Variants in DEFB124 observed in about 807,000 individuals in gnomAD.
DEFB124 encodes the protein beta-defensin 124.
For missense variants in DEFB124, 78 were observed against 83.1 expected (o/e 0.94, Z 0.24); for synonymous variants, 38 against 36.5 (o/e 1.04, Z -0.15).
chr20:31,472,449 G>T (rs1217749045), intron 2 of DEFB124: 2 of 143,938 alleles, frequency 1.4e-5, no homozygotes, highest in Non-Finnish European at 3.0e-5. Flanking sequence ...AGGGAGAGGG[G>T]AGAGGGGAGA....
intron 2 of DEFB124, among the ~76,000 whole-genome samples, chr20:31,466,170 G>A (rs563765683): frequency 1.3e-5 from 2 of 152,162 alleles, no homozygotes; most frequent in South Asian, 4.2e-4. Flanking sequence ...TAAATAAACA[G>A]AAACTGATTT....
intron 2 of DEFB124, among the ~76,000 whole-genome samples, chr20:31,470,993 TG>T (rs1980265862): frequency 7.4e-6 from 1 of 134,324 alleles, no homozygotes; most frequent in Non-Finnish European, 1.6e-5. Flanking sequence ...ACGGGGCGGC[TG>T]GCCGGGCAGG....
chr20:31,473,431 T>C (rs889147895), intron 1 of DEFB124, among the ~76,000 whole-genome samples: 2 of 152,142 alleles, frequency 1.3e-5, no homozygotes, highest in Non-Finnish European at 2.9e-5. Flanking sequence ...GTCTATGAAA[T>C]GATGACAAGC....
intron 2 of DEFB124, among the ~76,000 whole-genome samples, chr20:31,471,486 G>T (rs1162466100): frequency 7.2e-6 from 1 of 139,760 alleles, no homozygotes; most frequent in Non-Finnish European, 1.6e-5. Context: ...CCTCCCGGAC[G>T]GGGGGCTGAC....
At chr20:31,466,094 T>G (rs1228210869) in intron 2 of DEFB124, among the ~76,000 whole-genome samples, 1 of 151,938 alleles carries the variant, frequency 6.6e-6, no homozygotes, top group Non-Finnish European at 1.5e-5. Flanking sequence ...AGGGAGGAGA[T>G]TGCAGTGAGC....
At position 31,470,060 on chromosome 20, in the gene DEFB124, G is replaced by A. The variant is rs1360236202; in HGVS notation, c.58+2896C>T. ...GCGCCCCTCACCTCCCGGACGGGGCGGCTGGACGGGCAGGGGGCTGACCCC... is the reference window on the plus strand; with the variant it reads ...GCGCCCCTCACCTCCCGGACGGGGCAGCTGGACGGGCAGGGGGCTGACCCC... On this transcript the variant is annotated intron_variant, in intron 2 of 2. Transcript: ENST00000317676. Among the ~76,000 whole-genome samples the A allele has an allele frequency of 1.1e-3, 143 of 134,184 alleles. 1 individual carries two copies. The highest frequency in any genetic ancestry group is 2.0e-3 in the Non-Finnish European group (126 of 62,462). 88.0% of individuals were successfully genotyped at this position (134,184 alleles called of 152,430 possible).
intron 2 of DEFB124, among the ~76,000 whole-genome samples, chr20:31,468,630 C>A (rs1341937843): frequency 6.6e-6 from 1 of 152,036 alleles, no homozygotes; most frequent in Admixed American, 6.6e-5. Flanking sequence ...CGCCCACCAC[C>A]ACGCCCAACT....
rs148140130 is a variant in DEFB124 at position 31,465,519 on chromosome 20, T to C, written c.203A>G (p.His68Arg). The C allele has an allele frequency of 2.5e-6, 4 of 1,614,146 alleles. No individual in the cohort carries two copies. The highest frequency in any genetic ancestry group is 2.2e-5 in the South Asian group (2 of 91,072). The change falls in exon 3 of 3, where the codon CAT becomes CGT. Residue 68 changes from histidine (H) to arginine (R), a missense_variant. By Grantham distance (29) the His-to-Arg change is conservative (BLOSUM62 0). Transcript: ENST00000317676. ...YALKPPPVPK[H>R]EYE ...AGCAGGAACCAGCTACTCATATTCA[T>C]GCTTGGGGACCGGTGGAGGTTTCAA...
intron 2 of DEFB124, among the ~76,000 whole-genome samples, chr20:31,470,124 G>A (rs1339115460): frequency 2.3e-5 from 3 of 132,610 alleles, no homozygotes; most frequent in African/African-American, 9.7e-5. Context: ...GCCGGGCAGC[G>A]GGGCGCCTCA....
At chr20:31,472,829 T>TGTAGATCTC in intron 2 of DEFB124, 127 bp downstream of exon 2, 1 of 1,215,162 alleles carries the variant, frequency 8.2e-7, no homozygotes, top group South Asian at 1.9e-5. Context: ...ACCAAGTCAG[T>TGTAGATCTC]GGTGGGGCCA....
In DEFB124 at chr20:31,465,572, A is replaced by C. The variant is rs913870660; in HGVS notation, c.150T>G (p.Asp50Glu). 5 of 1,614,218 alleles carry C rather than the reference A, an allele frequency of 3.1e-6. No individual in the cohort carries two copies. The highest frequency in any genetic ancestry group is 4.2e-6 in the Non-Finnish European group (5 of 1,180,038). The change falls in exon 3 of 3, where the codon GAT becomes GAG. Residue 50 changes from aspartate (D) to glutamate (E), a missense_variant. Coordinates refer to ENST00000317676, the MANE Select transcript of DEFB124 (RefSeq NM_001037500.2). ...CATAGGAGAGACAGCACAGGGACGCATCCGGGCACAGGTGCATGTAAGTTT... is the reference window on the plus strand; with the variant it reads ...CATAGGAGAGACAGCACAGGGACGCCTCCGGGCACAGGTGCATGTAAGTTT... ...RQETYMHLCPDASLCCLSYAL... is the reference protein window; with the variant it reads ...RQETYMHLCPEASLCCLSYAL...
intron 2 of DEFB124, among the ~76,000 whole-genome samples, chr20:31,466,412 C>T (rs1449898615): frequency 6.6e-6 from 1 of 151,752 alleles, no homozygotes; most frequent in Non-Finnish European, 1.5e-5. Context: ...CCAGCCTGGC[C>T]AACATGGCAA....
At position 31,465,502 on chromosome 20, in the gene DEFB124, C is replaced by A. The variant is rs1473440062; in HGVS notation, c.*4G>T. ...CCTGTGTTTTATTGGACAGCAGGAACCAGCTACTCATATTCATGCTTGGGG... is the reference window on the plus strand; with the variant it reads ...CCTGTGTTTTATTGGACAGCAGGAAACAGCTACTCATATTCATGCTTGGGG... On this transcript the variant is annotated 3_prime_UTR_variant, in exon 3 of 3. Coordinates refer to ENST00000317676, the MANE Select transcript of DEFB124 (RefSeq NM_001037500.2). 1.9e-6 allele frequency: 3 copies of A among 1,613,788 alleles called. No homozygotes were observed. Among genetic ancestry groups the A allele is most frequent in the Admixed American group, 3.3e-5 (2 of 59,950 alleles).
chr20:31,470,434 G>T (rs1384491271), intron 2 of DEFB124, among the ~76,000 whole-genome samples: 4 of 81,432 alleles, frequency 4.9e-5, no homozygotes, highest in Admixed American at 2.5e-4. Context: ...GGGGGGCTGA[G>T]CCCCCCACCT....
chr20:31,471,610 GTGGCTGC>G (rs1568758503), intron 2 of DEFB124, among the ~76,000 whole-genome samples: 3 of 147,302 alleles, frequency 2.0e-5, no homozygotes, highest in African/African-American at 7.6e-5. Context: ...CCCAGACGGG[GTGGCTGC>G]CGGGCAGAGG....
chr20:31,468,947 A>C (rs1311373888), intron 2 of DEFB124, among the ~76,000 whole-genome samples: 1 of 152,114 alleles, frequency 6.6e-6, no homozygotes, highest in East Asian at 1.9e-4. Context: ...CCCCATCTCT[A>C]CAAAAATTTA....
At chr20:31,470,023 G>A (rs577156059) in intron 2 of DEFB124, among the ~76,000 whole-genome samples, 217 of 148,880 alleles carry the variant, frequency 1.5e-3, no homozygotes, top group African/African-American at 5.2e-3. Flanking sequence ...CAGTAGGGGC[G>A]GCCGGGCAGA....
Position 31,473,043 on chromosome 20 carries a change from A to C in DEFB124, c.-25-5T>G, listed in dbSNP as rs1426748919. The C allele has an allele frequency of 6.2e-7, 1 of 1,610,736 alleles. No individual in the cohort carries two copies. Among genetic ancestry groups the C allele is most frequent in the Admixed American group, 1.7e-5 (1 of 59,066 alleles). ...ACGGGGCTCCTGGGGAGGCTGCTGG[A>C]GAGAGCACAAGAGGAAAGACCCGAG... On this transcript the variant is annotated splice_polypyrimidine_tract_variant and splice_region_variant and intron_variant, in intron 1 of 2. Coordinates refer to ENST00000317676, the MANE Select transcript of DEFB124 (RefSeq NM_001037500.2).
chr20:31,470,263 C>A (rs1393580723), intron 2 of DEFB124, among the ~76,000 whole-genome samples: 3 of 141,944 alleles, frequency 2.1e-5, no homozygotes, highest in East Asian at 4.5e-4. Context: ...GCTGACCCCC[C>A]CACCTCCCTC....
Sources: allele counts gnomAD v4.1 joint callset (sites outside exome capture counted in the v4.1 genomes callset), GRCh38; gene constraint gnomAD v4.1.1; transcripts MANE v1.5; gene names NCBI Gene and HGNC (gene_info 2026-07-23, HGNC 2026-07-21).